The following C2orf49 variants were observed in gnomAD, a reference collection of about 807,000 sequenced individuals.
C2orf49 encodes the protein tRNA-splicing ligase complex subunit ASW.
In C2orf49, 11 loss-of-function variants were observed where a neutral mutation model predicts 20.6. The observed-to-expected ratio is 0.53, with a 90% CI of 0.34 to 0.88. The LOEUF (loss-of-function observed/expected upper bound fraction) is 0.88, where lower values mean the gene tolerates loss of function less well. Among genes scored for constraint, C2orf49 ranks in the 40% least tolerant of loss-of-function variants. C2orf49 has a pLI of 0.02. For synonymous variants in C2orf49, 134 were observed against 108.5 expected, an observed-to-expected ratio of 1.24 and a Z score of -1.46; for missense variants, 289 against 274.2, an observed-to-expected ratio of 1.05 and a Z score of -0.38.
the C2orf49 span, chr2:105,359,540 C>G: frequency 6.6e-6 from 1 of 152,118 alleles, no homozygotes; most frequent in South Asian, 2.1e-4. Flanking sequence ...ATTGCATTGT[C>G]TTAGAAAACT....
chr2:105,342,620 A>T (rs1294016773), intron 2 of C2orf49, among the ~76,000 whole-genome samples: 1 of 152,258 alleles, frequency 6.6e-6, no homozygotes, highest in Non-Finnish European at 1.5e-5. Context: ...TGTTGTGTAT[A>T]CATGAAAGCT....
chr2:105,373,964 A>T, the C2orf49 span: 3 of 567,646 alleles, frequency 5.3e-6, no homozygotes, highest in Non-Finnish European at 9.5e-6. Flanking sequence ...ATGTGCATGT[A>T]TGCACATGTC....
chr2:105,367,508 G>T, the C2orf49 span: 1 of 1,520,270 alleles, frequency 6.6e-7, no homozygotes, highest in Non-Finnish European at 8.9e-7. Context: ...AGAACTGACA[G>T]ACATGGACCA....
At chr2:105,383,927 C>T in the C2orf49 span, among the ~76,000 whole-genome samples, 602 of 152,264 alleles carry the variant, frequency 4.0e-3, 9 homozygotes, top group African/African-American at 0.013. Flanking sequence ...AACATTAATC[C>T]GGGTTGAAAA....
the C2orf49 span, among the ~76,000 whole-genome samples, chr2:105,365,447 C>T: frequency 4.6e-5 from 7 of 152,216 alleles, no homozygotes; most frequent in Non-Finnish European, 8.8e-5. Context: ...TTCATTTCTG[C>T]AAATGAATAA....
the C2orf49 span, among the ~76,000 whole-genome samples, chr2:105,383,994 G>T: frequency 1.3e-5 from 2 of 152,148 alleles, no homozygotes; most frequent in Non-Finnish European, 2.9e-5. Context: ...GGCTCCATTT[G>T]GGAGACTCTT....
downstream of C2orf49, among the ~76,000 whole-genome samples, chr2:105,353,941 G>A (rs1242142891): frequency 6.6e-6 from 1 of 152,130 alleles, no homozygotes; most frequent in African/African-American, 2.4e-5. Flanking sequence ...TTGTCCAAAG[G>A]AGTTAGGGTT....
chr2:105,383,204 G>A, the C2orf49 span, among the ~76,000 whole-genome samples: 2 of 152,170 alleles, frequency 1.3e-5, no homozygotes, highest in Non-Finnish European at 2.9e-5. Flanking sequence ...TCTTTAGTTG[G>A]TTGAATTTTT....
downstream of C2orf49, among the ~76,000 whole-genome samples, chr2:105,352,049 A>G (rs572948051): frequency 2.1e-3 from 314 of 152,300 alleles, no homozygotes; most frequent in Admixed American, 4.1e-3. Context: ...GCTCCTACCA[A>G]CCACCGTCCA....
chr2:105,362,304 A>G, the C2orf49 span, among the ~76,000 whole-genome samples: 70,473 of 152,058 alleles, frequency 0.46, 17,091 homozygotes, highest in Non-Finnish European at 0.54. Context: ...TTTTCTTCAT[A>G]TTTTAATTTC....
At chr2:105,358,158 G>A in the C2orf49 span, 1 of 152,136 alleles carries the variant, frequency 6.6e-6, no homozygotes, top group African/African-American at 2.4e-5. Flanking sequence ...CTTCCTTAAT[G>A]GCTCACTGGT....
chr2:105,381,810 C>A, the C2orf49 span, among the ~76,000 whole-genome samples: 15 of 151,652 alleles, frequency 9.9e-5, no homozygotes, highest in South Asian at 3.1e-3. Flanking sequence ...TTAAAAACCA[C>A]CCCAACAAAT....
the C2orf49 span, chr2:105,374,097 C>G: frequency 3.2e-6 from 1 of 311,012 alleles, no homozygotes; most frequent in Non-Finnish European, 6.3e-6. Context: ...GACAGAGAAA[C>G]AGACTGCAGG....
At chr2:105,353,756 A>G (rs1417610288), downstream of C2orf49, among the ~76,000 whole-genome samples, 1 of 152,198 alleles carries the variant, frequency 6.6e-6, no homozygotes, top group South Asian at 2.1e-4. Flanking sequence ...AGCCTCTGTA[A>G]TCTATCATTT....
chr2:105,345,189 C>T, intron 3 of C2orf49, 126 bp from the exon 4 acceptor site: 1 of 774,020 alleles, frequency 1.3e-6, no homozygotes, highest in South Asian at 1.8e-5. Context: ...AATATATTCC[C>T]ACCAGATGGC....
the C2orf49 span, chr2:105,358,999 G>A: frequency 0.14 from 21,130 of 152,258 alleles, 1,819 homozygotes; most frequent in South Asian, 0.24. Flanking sequence ...GCGGGGGCCT[G>A]CCATTGGATA....
chr2:105,352,429 G>GTTTTTTTTTTTTTTTTTTTTTTTGGT (rs61585149), downstream of C2orf49, among the ~76,000 whole-genome samples: 1 of 80,758 alleles, frequency 1.2e-5, no homozygotes, highest in Admixed American at 1.9e-4. Context: ...GTTTGTTTGG[G>GTTTTTTTTTTTTTTTTTTTTTTTGGT]TTTTTTTTTT....
rs1679804359 is a variant in C2orf49, at chr2:105,346,123, C to T, written c.*752C>T. ...TTCTTTTACAAAGCAGAAGCATATA[C>T]CAATTTATCACAGTATTTTAGTAAA... On this transcript the variant is annotated 3_prime_UTR_variant, in exon 4 of 4. Transcript: ENST00000258457. 6.6e-6 allele frequency: 1 copy of T among 152,068 alleles called. No individual in the cohort carries two copies. The highest frequency in any genetic ancestry group is 1.5e-5 in the Non-Finnish European group (1 of 68,022). 9.4% of individuals were successfully genotyped at this position (152,068 alleles called of 1,614,324 possible). A position where few individuals can be genotyped will look rare whatever the true frequency, so the allele number is the denominator to read the frequency against.
At chr2:105,357,525 T>C in the C2orf49 span, among the ~76,000 whole-genome samples, 2 of 152,228 alleles carry the variant, frequency 1.3e-5, no homozygotes, top group Non-Finnish European at 2.9e-5. Context: ...TCAAGTCTCA[T>C]ATAAAATGGC....
Sources: gnomAD v4.1 joint callset for allele counts (sites outside exome capture counted in the v4.1 genomes callset) on GRCh38, gnomAD v4.1.1 for gene constraint, MANE v1.5 for transcripts, NCBI Gene and HGNC (gene_info 2026-07-23, HGNC 2026-07-21) for gene names.